Variants in ANKS1B observed in about 807,000 individuals in gnomAD.
The protein encoded by ANKS1B is ankyrin repeat and sterile alpha motif domain containing 1B.
In ANKS1B, 36 loss-of-function variants were observed where a neutral mutation model predicts 148.3. That is an observed-to-expected ratio of 0.24 (90% CI 0.19 to 0.32). ANKS1B has a LOEUF of 0.32. Among genes scored for constraint, ANKS1B ranks in the 10% least tolerant of loss-of-function variants. The pLI is 1.00. For missense variants in ANKS1B, 1,157 were observed against 1,542.6 expected (o/e 0.75, Z 4.19); for synonymous variants, 542 against 560.8 (o/e 0.97, Z 0.47).
intron 14 of ANKS1B, among the ~76,000 whole-genome samples, chr12:99,172,262 G>A (rs1297447751): frequency 6.6e-6 from 1 of 152,058 alleles, no homozygotes; most frequent in African/African-American, 2.4e-5. Context: ...GACAATCAAG[G>A]GACTTGTGTG....
intron 15 of ANKS1B, among the ~76,000 whole-genome samples, chr12:99,128,652 A>T (rs140087547): frequency 1.9e-3 from 289 of 152,258 alleles, no homozygotes; most frequent in African/African-American, 6.2e-3. Context: ...TCAACACTTG[A>T]TGTTTCTGAC....
At chr12:99,863,576 G>C (rs750070557) in intron 1 of ANKS1B, among the ~76,000 whole-genome samples, 1 of 152,002 alleles carries the variant, frequency 6.6e-6, no homozygotes, top group Non-Finnish European at 1.5e-5. Context: ...TTAGCCGGGC[G>C]TGGTGGCACA....
chr12:99,658,155 T>C (rs1292553474), intron 8 of ANKS1B, among the ~76,000 whole-genome samples: 2 of 152,172 alleles, frequency 1.3e-5, no homozygotes, highest in Non-Finnish European at 2.9e-5. Flanking sequence ...CAGCGTATTG[T>C]AGTGGTTAAG....
chr12:99,573,583 A>T (rs2097484824), intron 9 of ANKS1B, among the ~76,000 whole-genome samples: 1 of 152,100 alleles, frequency 6.6e-6, no homozygotes, highest in Non-Finnish European at 1.5e-5. Flanking sequence ...GCCTATTCAG[A>T]GCAGCTTAAC....
intron 17 of ANKS1B, among the ~76,000 whole-genome samples, chr12:98,992,225 T>C (rs1287379974): frequency 2.0e-5 from 3 of 152,176 alleles, no homozygotes; most frequent in Non-Finnish European, 2.9e-5. Context: ...GCTTTTACAA[T>C]TGTTGTGTCT....
At chr12:98,895,646 T>C (rs1026211208) in intron 17 of ANKS1B, among the ~76,000 whole-genome samples, 9 of 152,230 alleles carry the variant, frequency 5.9e-5, no homozygotes, top group African/African-American at 2.2e-4. Context: ...AGAGCGGGTA[T>C]GATCGGCCTC....
intron 12 of ANKS1B, among the ~76,000 whole-genome samples, chr12:99,348,112 C>T (rs2090968336): frequency 6.6e-6 from 1 of 151,772 alleles, no homozygotes; most frequent in Non-Finnish European, 1.5e-5. Context: ...GAATAGAAAA[C>T]ATATAGATAA....
At chr12:99,042,292 TTTTG>T (rs557419675) in intron 17 of ANKS1B, among the ~76,000 whole-genome samples, 14 of 152,238 alleles carry the variant, frequency 9.2e-5, no homozygotes, top group Admixed American at 5.2e-4. Flanking sequence ...GCTTGCTCAT[TTTTG>T]TTTGTTTGTT....
chr12:99,758,738 C>T (rs147654616), intron 8 of ANKS1B, among the ~76,000 whole-genome samples: 42 of 151,880 alleles, frequency 2.8e-4, no homozygotes, highest in African/African-American at 9.2e-4. Flanking sequence ...ATGTCACATA[C>T]AATACAAAAA....
intron 17 of ANKS1B, among the ~76,000 whole-genome samples, chr12:98,916,831 A>G (rs2099794996): frequency 6.6e-6 from 1 of 152,244 alleles, no homozygotes; most frequent in Non-Finnish European, 1.5e-5. Flanking sequence ...TAAGAAAAAA[A>G]TCTGTGCCAC....
At chr12:98,875,094 T>C (rs1429645745) in intron 17 of ANKS1B, among the ~76,000 whole-genome samples, 2 of 152,196 alleles carry the variant, frequency 1.3e-5, no homozygotes, top group African/African-American at 4.8e-5. Context: ...ACTACCCTTC[T>C]TCATCCTAGA....
At chr12:98,742,377 T>A (rs2097805730), downstream of ANKS1B, among the ~76,000 whole-genome samples, 1 of 151,734 alleles carries the variant, frequency 6.6e-6, no homozygotes. Flanking sequence ...CAAACATAGG[T>A]CTCTGAGGTT....
intron 10 of ANKS1B, among the ~76,000 whole-genome samples, chr12:99,474,011 A>AT (rs1165861052): frequency 6.6e-6 from 1 of 152,046 alleles, no homozygotes; most frequent in Non-Finnish European, 1.5e-5. Context: ...AAATTGAGGA[A>AT]TTATATTGAA....
At chr12:99,183,079 G>C (rs1047340664) in intron 14 of ANKS1B, among the ~76,000 whole-genome samples, 2 of 152,074 alleles carry the variant, frequency 1.3e-5, no homozygotes, top group Non-Finnish European at 2.9e-5. Context: ...GTCAGATGGA[G>C]GGTTTGCAAA....
chr12:98,860,780 CTAGGTGACAGGT>C (rs2099595375), intron 17 of ANKS1B, among the ~76,000 whole-genome samples: 1 of 152,154 alleles, frequency 6.6e-6, no homozygotes, highest in Non-Finnish European at 1.5e-5. Flanking sequence ...GGCTTAATAA[CTAGGTGACAGGT>C]TGACAGGTGC....
At chr12:99,724,990 A>G (rs2058476117) in intron 8 of ANKS1B, among the ~76,000 whole-genome samples, 1 of 152,232 alleles carries the variant, frequency 6.6e-6, no homozygotes, top group Non-Finnish European at 1.5e-5. Flanking sequence ...CTGCCTTACA[A>G]GAGCCCCTGA....
chr12:98,870,844 T>A (rs1453444835), intron 17 of ANKS1B, among the ~76,000 whole-genome samples: 1 of 152,226 alleles, frequency 6.6e-6, no homozygotes, highest in African/African-American at 2.4e-5. Context: ...CTGATGGTGC[T>A]TACAAAATGC....
chr12:99,759,413 T>C (rs555842323), intron 8 of ANKS1B, among the ~76,000 whole-genome samples: 1 of 152,132 alleles, frequency 6.6e-6, no homozygotes, highest in South Asian at 2.1e-4. Context: ...TATTCTTTAG[T>C]TGTGGCCCAA....
At chr12:99,455,466 G>A (rs972091050) in intron 10 of ANKS1B, among the ~76,000 whole-genome samples, 8 of 152,218 alleles carry the variant, frequency 5.3e-5, no homozygotes, top group East Asian at 1.9e-4. Flanking sequence ...GATTGCCACT[G>A]CAGGCTCTGT....
Sources: gnomAD v4.1 joint callset for allele counts (sites outside exome capture counted in the v4.1 genomes callset) on GRCh38, gnomAD v4.1.1 for gene constraint, MANE v1.5 for transcripts, NCBI Gene and HGNC (gene_info 2026-07-23, HGNC 2026-07-21) for gene names.